KLHL35: variants seen among roughly 807,000 people sequenced by gnomAD.
KLHL35 encodes kelch like family member 35.
KLHL35 carries 50 observed loss-of-function variants against 44.0 expected under a neutral mutation model. The observed-to-expected ratio is 1.14, with a 90% CI of 0.91 to 1.44. The LOEUF is 1.44. KLHL35 is among the 40% of genes most tolerant of loss of function. KLHL35 has a pLI of 0.00. For missense variants in KLHL35, 1,049 were observed against 887.8 expected (o/e 1.18, Z -2.31); for synonymous variants, 470 against 410.4 (o/e 1.15, Z -1.76).
In KLHL35 at chr11:75,430,383, G is replaced by T; in HGVS notation, c.247C>A (p.Pro83Thr). ...GCCTCGGGAGCTACTGGCACCACTG[G>T]CACCACGGCCGGGCCGCGCTCGGGC... ...GRPERGPAVV[P>T]VVPVAPEAPG... The change falls in exon 2 of 7, where the codon CCA becomes ACA. Residue 83 changes from proline (P) to threonine (T), a missense_variant. Pro to Thr is a conservative substitution (Grantham distance 38, BLOSUM62 -1). Coordinates refer to ENST00000539798, the MANE Select transcript of KLHL35 (RefSeq NM_001039548.3). The T allele has an allele frequency of 7.3e-7, 1 of 1,363,830 alleles. No homozygotes were observed. The highest frequency in any genetic ancestry group is 3.4e-5 in the East Asian group (1 of 29,442). 84.5% of individuals were successfully genotyped at this position (1,363,830 alleles called of 1,614,324 possible).
intron 3 of KLHL35, chr11:75,426,933 G>A (rs377602656): frequency 9.9e-4 from 271 of 275,058 alleles, no homozygotes; most frequent in African/African-American, 5.1e-3. Context: ...CTGTGCTCAG[G>A]AAAGCAAAGA....
rs1330057398 is a variant in KLHL35, at chr11:75,430,317, C to T, written c.313G>A (p.Val105Met). 3 of 1,257,124 alleles carry T rather than the reference C, an allele frequency of 2.4e-6. No individual in the cohort carries two copies. The highest frequency in any genetic ancestry group is 2.0e-6 in the Non-Finnish European group (2 of 1,001,478). The allele number at this position is 1,257,124 out of a possible 1,614,324, so 77.9% of individuals were successfully genotyped here. A position where few individuals can be genotyped will look rare whatever the true frequency, so the allele number is the denominator to read the frequency against. The change falls in exon 2 of 7, where the codon GTG (valine) becomes ATG (methionine). Residue 105 changes from valine to methionine, a missense_variant. Physicochemically the swap from Val to Met is conservative, Grantham distance 21. Transcript: ENST00000539798. ...SPAGAAAALAVVLDYVYGAGV... is the reference protein window; with the variant it reads ...SPAGAAAALAMVLDYVYGAGV... Reference sequence around the variant, plus strand: ...GCTCCGTACACGTAGTCGAGCACCACGGCCAGCGCCGCCGCCGCCCCGGCC... The same window carrying T: ...GCTCCGTACACGTAGTCGAGCACCATGGCCAGCGCCGCCGCCGCCCCGGCC...
rs1445940202 is a variant in KLHL35, at chr11:75,430,125, G to A, written c.505C>T (p.Pro169Ser). The A allele has an allele frequency of 4.7e-6, 6 of 1,266,914 alleles. No individual in the cohort carries two copies. The highest frequency in any genetic ancestry group is 3.4e-5 in the East Asian group (1 of 29,600). The allele number at this position is 1,266,914 out of a possible 1,614,324, so 78.5% of individuals were successfully genotyped here. A position where few individuals can be genotyped will look rare whatever the true frequency, so the allele number is the denominator to read the frequency against. ...ACGCGGCCGCAGCGCTCGGCCAGCG[G>A]GGCCAGCGAGAAGGCGGCGGCCACG... ...RRVAAAFSLA[P>S]LAERCGRVLR... Residue 169 changes from proline (P) to serine (S), a missense_variant, in exon 2 of 7, where the codon CCG becomes TCG. Pro to Ser is a moderately conservative substitution (Grantham distance 74). Transcript: ENST00000539798.
chr11:75,430,770 C>A (rs965488600), intron 1 of KLHL35, 140 bp from the exon 2 acceptor site: 10 of 717,526 alleles, frequency 1.4e-5, no homozygotes, highest in Non-Finnish European at 2.0e-5. Flanking sequence ...AGGTTCCTTA[C>A]GGCTACAGTG....
At position 75,423,814 on chromosome 11, in the gene KLHL35, A is replaced by C; in HGVS notation, c.1441T>G (p.Cys481Gly). The C allele has an allele frequency of 3.7e-6, 6 of 1,613,748 alleles. No homozygotes were observed. The highest frequency in any genetic ancestry group is 5.1e-6 in the Non-Finnish European group (6 of 1,179,812). ...TCCTCAAGGGAGACAGCCTCGAGAC[A>C]CCGCTGTGAGAAGGGTGCTGGTGAC... Reference protein sequence around the residue: ...LRSPAPFSQRCLEAVSLEDTI... With the variant: ...LRSPAPFSQRGLEAVSLEDTI... The change falls in exon 6 of 7, where the codon TGT (cysteine) becomes GGT (glycine). Residue 481 changes from cysteine to glycine, a missense_variant. By Grantham distance (159) the Cys-to-Gly change is radical. Coordinates refer to ENST00000539798, the MANE Select transcript of KLHL35 (RefSeq NM_001039548.3).
chr11:75,422,565 C>T lies in KLHL35; in HGVS notation c.*15G>A, dbSNP rs1181884253. The T allele has an allele frequency of 6.2e-7, 1 of 1,604,998 alleles. No individual in the cohort carries two copies. The highest frequency in any genetic ancestry group is 1.7e-5 in the Admixed American group (1 of 59,926). On this transcript the variant is annotated 3_prime_UTR_variant, in exon 7 of 7. Coordinates refer to ENST00000539798, the MANE Select transcript of KLHL35 (RefSeq NM_001039548.3). ...CTGCCTCTCCGCCTCCTGGCTCAGG[C>T]TGTCCAAATCTGAATCACCTGCCCA...
intron 5 of KLHL35, 192 bp from the exon 6 acceptor site, chr11:75,424,072 A>AGTT (rs1948472017): frequency 1.7e-6 from 1 of 584,700 alleles, no homozygotes; most frequent in Non-Finnish European, 3.0e-6. Flanking sequence ...CTCTTCATCT[A>AGTT]GTTCTATGTT....
rs376306621 is a variant in KLHL35 at position 75,423,759 on chromosome 11, C to T, written c.1496G>A (p.Ser499Asn). The change falls in exon 6 of 7, where the codon AGC becomes AAC. Residue 499 changes from serine to asparagine, a missense_variant. Transcript: ENST00000539798. ...GCCTGGATCATAGGTGAAGATTTTG[C>T]TCATGAGACCCCCCATGACATAGAT... ...DTIYVMGGLM[S>N]KIFTYDPGTD... is the part of the protein sequence containing the mutation. 3.7e-6 allele frequency: 6 copies of T among 1,613,742 alleles called. No homozygotes were observed. The East Asian group carries it at 1.1e-4, about 30-fold the overall frequency.
In KLHL35 at chr11:75,422,570, CA is replaced by C; in HGVS notation, c.*9del. 6.2e-7 allele frequency: 1 copy of C among 1,608,604 alleles called. No homozygotes were observed. Among genetic ancestry groups the C allele is most frequent in the Non-Finnish European group, 8.5e-7 (1 of 1,175,918 alleles). On this transcript the variant is annotated 3_prime_UTR_variant, in exon 7 of 7. Coordinates refer to ENST00000539798, the MANE Select transcript of KLHL35 (RefSeq NM_001039548.3). ...TCTCCGCCTCCTGGCTCAGGCTGTC[CA>C]AATCTGAATCACCTGCCCAAGCTCT...
intron 3 of KLHL35, 157 bp from the exon 4 acceptor site, chr11:75,426,795 A>G: frequency 1.9e-6 from 1 of 532,664 alleles, no homozygotes; most frequent in Non-Finnish European, 3.4e-6. Flanking sequence ...CCTGTGACCC[A>G]GTGTGCTTTG....
At position 75,430,300 on chromosome 11, in the gene KLHL35, C is replaced by A. The variant is rs1417058250; in HGVS notation, c.330G>T (p.Val110=). The A allele has an allele frequency of 1.6e-6, 2 of 1,233,710 alleles. No homozygotes were observed. Among genetic ancestry groups the A allele is most frequent in the Non-Finnish European group, 2.0e-6 (2 of 990,320 alleles). 76.4% of individuals were successfully genotyped at this position (1,233,710 alleles called of 1,614,324 possible). The change falls in exon 2 of 7, where the codon GTG becomes GTT. Residue 110 remains valine, a synonymous_variant. Transcript: ENST00000539798. ...AAALAVVLDY[V]YGAGVRLRAE... is the part of the protein sequence containing the mutation. ...CGCGCAGCCGCACGCCCGCTCCGTA[C>A]ACGTAGTCGAGCACCACGGCCAGCG...
intron 2 of KLHL35, 38 bp downstream of exon 2, chr11:75,429,711 A>G: frequency 7.1e-7 from 1 of 1,417,088 alleles, no homozygotes; most frequent in Non-Finnish European, 9.2e-7. Context: ...GCAGGCGGGA[A>G]GAACGGAGGG....
chr11:75,430,700 C>T, intron 1 of KLHL35, 70 bp from the exon 2 acceptor site: 1 of 1,226,012 alleles, frequency 8.2e-7, no homozygotes, highest in Non-Finnish European at 1.0e-6. Flanking sequence ...CGACAGCCCT[C>T]ATCCGTTTAT....
chr11:75,429,985 G>A lies in KLHL35; in HGVS notation c.645C>T (p.Ala215=), dbSNP rs746670676. 151 of 1,420,284 alleles carry A rather than the reference G, an allele frequency of 1.1e-4. No homozygotes were observed. The highest frequency in any genetic ancestry group is 1.3e-4 in the Non-Finnish European group (147 of 1,092,368). 88.0% of individuals were successfully genotyped at this position (1,420,284 alleles called of 1,614,324 possible). A position where few individuals can be genotyped will look rare whatever the true frequency, so the allele number is the denominator to read the frequency against. ...DPALGVAREE[A]VFEAAMRWVR... is the part of the protein sequence containing the mutation. ...CCCAGCGCATGGCCGCTTCAAACAC[G>A]GCCTCCTCGCGCGCCACGCCCAGCG... The change falls in exon 2 of 7, where the codon GCC becomes GCT. Residue 215 remains alanine (A), a synonymous_variant. Transcript: ENST00000539798.
At chr11:75,431,621 A>G (rs1266812398) in intron 1 of KLHL35, among the ~76,000 whole-genome samples, 1 of 152,210 alleles carries the variant, frequency 6.6e-6, no homozygotes, top group African/African-American at 2.4e-5. Flanking sequence ...GAAAGTGGAA[A>G]GAACTCTAGG....
chr11:75,428,473 G>T lies in KLHL35; in HGVS notation c.1035C>A (p.Ala345=), dbSNP rs1258539220. The part of the protein sequence containing the change: ...LPGYTRSEFA[A]CALRNDVYVS... ...CGTAGACGTCATTGCGGAGAGCACA[G>T]GCGGCGAATTCTGAGCGAGTGTAGC... Residue 345 remains alanine (A), a synonymous_variant, in exon 3 of 7, where the codon GCC becomes GCA. Transcript: ENST00000539798. 6.2e-7 allele frequency: 1 copy of T among 1,612,512 alleles called. No homozygotes were observed.
chr11:75,431,229 C>G (rs542313370), intron 1 of KLHL35, among the ~76,000 whole-genome samples: 2 of 152,326 alleles, frequency 1.3e-5, no homozygotes, highest in South Asian at 4.1e-4. Flanking sequence ...TGTCTCCTGC[C>G]GATCTCCGGT....
At position 75,430,456 on chromosome 11, in the gene KLHL35, C is replaced by A; in HGVS notation, c.174G>T (p.Ala58=). ...GGRDFPCHRA[A]LSAGSAYFRS... The stretch of plus-strand genomic sequence containing the variant: ...GGAAGTAGGCGCTGCCCGCGCTGAG[C>A]GCCGCGCGGTGGCACGGAAAGTCGC... The change falls in exon 2 of 7, where the codon GCG becomes GCT. Residue 58 remains alanine, a synonymous_variant. Coordinates refer to ENST00000539798, the MANE Select transcript of KLHL35 (RefSeq NM_001039548.3). 2.2e-6 allele frequency: 3 copies of A among 1,391,726 alleles called. No homozygotes were observed. Among genetic ancestry groups the A allele is most frequent in the South Asian group, 1.5e-5 (1 of 65,326 alleles). The allele number at this position is 1,391,726 out of a possible 1,614,324, so 86.2% of individuals were successfully genotyped here.
chr11:75,426,716 C>T, intron 3 of KLHL35, 78 bp from the exon 4 acceptor site: 1 of 957,850 alleles, frequency 1.0e-6, no homozygotes, highest in Non-Finnish European at 1.6e-6. Context: ...AAACTAGGGC[C>T]CCCAGATCCA....
Sources: allele counts gnomAD v4.1 joint callset (sites outside exome capture counted in the v4.1 genomes callset), GRCh38; gene constraint gnomAD v4.1.1; transcripts MANE v1.5; gene names NCBI Gene and HGNC (gene_info 2026-07-23, HGNC 2026-07-21).